Variants in OSBPL1A observed in about 807,000 individuals in gnomAD.
OSBPL1A encodes oxysterol binding protein like 1A.
Under a neutral mutation model 137.1 loss-of-function variants are expected in OSBPL1A, and 80 were observed. That is an observed-to-expected ratio of 0.58 (90% CI 0.49 to 0.70). OSBPL1A has a LOEUF of 0.70. Among genes scored for constraint, OSBPL1A ranks in the 30% least tolerant of loss-of-function variants. The pLI, the probability that OSBPL1A is intolerant of heterozygous loss-of-function variation, is 0.00. For synonymous variants in OSBPL1A, 365 were observed against 389.7 expected (o/e 0.94, Z 0.75); for missense variants, 970 against 1,129.4 (o/e 0.86, Z 2.02).
chr18:24,210,322 G>A (rs2087498804), intron 17 of OSBPL1A, among the ~76,000 whole-genome samples: 1 of 152,102 alleles, frequency 6.6e-6, no homozygotes. Flanking sequence ...CTACTTGGGA[G>A]GCTGAGGCAG....
chr18:24,380,270 AG>A (rs1906485909), intron 1 of OSBPL1A, among the ~76,000 whole-genome samples: 2 of 152,238 alleles, frequency 1.3e-5, no homozygotes, highest in Non-Finnish European at 2.9e-5. Context: ...TAAAAAACCA[AG>A]GAAGAGGAAG....
rs201642271 is a variant in OSBPL1A at position 24,348,206 on chromosome 18, GATAAT to G, written c.283-6553_283-6549del. ...ACAATAAATGTATATCCACTTAAAA[GATAAT>G]ATATTAGTTCTTTCCTGAGAAAAAT... On this transcript the variant is annotated intron_variant, in intron 4 of 27. Transcript: ENST00000319481. 4.2e-3 allele frequency among the ~76,000 whole-genome samples: 641 copies of G among 152,168 alleles called. 5 individuals are homozygous for G. Among genetic ancestry groups the G allele is most frequent in the East Asian group, 0.018 (95 of 5,192 alleles).
chr18:24,392,697 A>G (rs757568651), intron 1 of OSBPL1A, among the ~76,000 whole-genome samples: 3 of 152,194 alleles, frequency 2.0e-5, no homozygotes, highest in African/African-American at 7.2e-5. Context: ...CAAAGTAGTT[A>G]GCTGCTTTTT....
In OSBPL1A at chr18:24,171,397, G is replaced by C; in HGVS notation, c.2291+12C>G. 6 of 1,586,384 alleles carry C rather than the reference G, an allele frequency of 3.8e-6. No homozygotes were observed. The highest frequency in any genetic ancestry group is 5.2e-6 in the Non-Finnish European group (6 of 1,161,086). On this transcript the variant is annotated intron_variant, in intron 23 of 27. Transcript: ENST00000319481. ...AATCTATACTATTCAACATTTAAAA[G>C]AGAAATTTTACCTTTTATCTTGAAT...
intron 17 of OSBPL1A, among the ~76,000 whole-genome samples, chr18:24,222,002 C>T (rs1362874313): frequency 6.6e-6 from 1 of 152,146 alleles, no homozygotes; most frequent in Non-Finnish European, 1.5e-5. Context: ...ACGATGTCAT[C>T]ATATTTTTTA....
At chr18:24,185,359 G>A (rs2086719289) in intron 18 of OSBPL1A, among the ~76,000 whole-genome samples, 2 of 142,100 alleles carry the variant, frequency 1.4e-5, no homozygotes, top group African/African-American at 2.6e-5. Flanking sequence ...ACTGAGTCTC[G>A]CCCTGTGGCC....
rs376078361 is a variant in OSBPL1A at position 24,309,069 on chromosome 18, C to A, written c.1092+2915G>T. On this transcript the variant is annotated intron_variant, in intron 13 of 27. Transcript: ENST00000319481. ...TACAGGCGTAAGCCACCGTGCCCAG[C>A]TGAATAACTGAATTTTTAGATTTTA... Among the ~76,000 whole-genome samples the A allele has an allele frequency of 4.7e-4, 71 of 152,274 alleles. No individual in the cohort carries two copies. In the East Asian group the frequency reaches 9.5e-3, roughly 20 times the overall value.
chr18:24,175,135 T>TATATATATATATATAC (rs1323687106), intron 21 of OSBPL1A, among the ~76,000 whole-genome samples: 9 of 96,672 alleles, frequency 9.3e-5, no homozygotes, highest in Non-Finnish European at 1.7e-4. Context: ...TATATATATA[T>TATATATATATATATAC]ACACATATAT....
chr18:24,165,047 C>A lies in OSBPL1A; in HGVS notation c.2750+18G>T, dbSNP rs757762369. 6.2e-7 allele frequency: 1 copy of A among 1,613,680 alleles called. No individual in the cohort carries two copies. Among genetic ancestry groups the A allele is most frequent in the Non-Finnish European group, 8.5e-7 (1 of 1,179,698 alleles). On this transcript the variant is annotated intron_variant, in intron 27 of 27. Transcript: ENST00000319481. ...CCTGCCTGAGGGCTCAGCCACACCC[C>A]CTGACTCAGGCACGCACCTCGTCTT... is the stretch of plus-strand genomic sequence containing the variant.
chr18:24,373,103 C>G (rs1223013558), intron 2 of OSBPL1A, among the ~76,000 whole-genome samples: 2 of 152,144 alleles, frequency 1.3e-5, no homozygotes, highest in Non-Finnish European at 2.9e-5. Flanking sequence ...TACATTTACT[C>G]TTAAAATACT....
At position 24,368,435 on chromosome 18, in the gene OSBPL1A, A is replaced by T. The variant is rs1370322290; in HGVS notation, c.122-63T>A. On this transcript the variant is annotated intron_variant, in intron 2 of 27. Transcript: ENST00000319481. ...TTTAGGTAATTTTACAACGAAATTA[A>T]CTTCTCCATAACAAGCTACCTCAAT... 7 of 1,213,390 alleles carry T rather than the reference A, an allele frequency of 5.8e-6. No individual in the cohort carries two copies. In the African/African-American group the frequency reaches 9.0e-5, roughly 16 times the overall value. 75.2% of individuals were successfully genotyped at this position (1,213,390 alleles called of 1,614,324 possible).
intron 1 of OSBPL1A, among the ~76,000 whole-genome samples, chr18:24,381,168 T>C (rs1366768846): frequency 2.0e-5 from 3 of 152,090 alleles, no homozygotes; most frequent in Non-Finnish European, 2.9e-5. Flanking sequence ...AGCTCAACTC[T>C]GAATACAGCA....
At chr18:24,210,474 A>G (rs934019640) in intron 17 of OSBPL1A, among the ~76,000 whole-genome samples, 1 of 151,752 alleles carries the variant, frequency 6.6e-6, no homozygotes, top group African/African-American at 2.4e-5. Context: ...AAAAACCCTT[A>G]TTGAAGACCC....
chr18:24,244,360 T>C (rs911245889), intron 15 of OSBPL1A, among the ~76,000 whole-genome samples: 1 of 152,226 alleles, frequency 6.6e-6, no homozygotes, highest in African/African-American at 2.4e-5. Flanking sequence ...CCAACAGATA[T>C]GTTTATAATT....
chr18:24,335,452 G>A lies in OSBPL1A; in HGVS notation c.395-1122C>T, dbSNP rs530780542. 3.3e-5 allele frequency among the ~76,000 whole-genome samples: 5 copies of A among 152,316 alleles called. No homozygotes were observed. The East Asian group carries it at 5.8e-4, about 18-fold the overall frequency. ...CTCTTATCACTACGCTTCCTCTGAAGTCATACTTACAGGAAAAGAGCAACT... is the reference window on the plus strand; with the variant it reads ...CTCTTATCACTACGCTTCCTCTGAAATCATACTTACAGGAAAAGAGCAACT... On this transcript the variant is annotated intron_variant, in intron 5 of 27. Coordinates refer to ENST00000319481, the MANE Select transcript of OSBPL1A (RefSeq NM_080597.4).
chr18:24,254,721 CA>C (rs951769876), intron 15 of OSBPL1A, among the ~76,000 whole-genome samples: 10 of 148,632 alleles, frequency 6.7e-5, no homozygotes, highest in Non-Finnish European at 7.5e-5. Flanking sequence ...GTGCCTACAT[CA>C]AAAAAAAAGG....
At chr18:24,283,852 C>G (rs1384876841) in intron 14 of OSBPL1A, among the ~76,000 whole-genome samples, 1 of 152,032 alleles carries the variant, frequency 6.6e-6, no homozygotes, top group Non-Finnish European at 1.5e-5. Flanking sequence ...ATACTTGTTA[C>G]CATGAAGCAA....
chr18:24,290,853 C>T (rs1437425922), intron 14 of OSBPL1A, among the ~76,000 whole-genome samples: 5 of 152,030 alleles, frequency 3.3e-5, no homozygotes, highest in Non-Finnish European at 7.4e-5. Context: ...AGAAAACTGC[C>T]CTTGTGCTCA....
intron 17 of OSBPL1A, among the ~76,000 whole-genome samples, chr18:24,218,822 AC>A (rs1311360101): frequency 6.6e-6 from 1 of 152,186 alleles, no homozygotes; most frequent in African/African-American, 2.4e-5. Context: ...AAGTGTTCTC[AC>A]CATAAAAAAT....
Sources: allele counts gnomAD v4.1 joint callset (sites outside exome capture counted in the v4.1 genomes callset), GRCh38; gene constraint gnomAD v4.1.1; transcripts MANE v1.5; gene names NCBI Gene and HGNC (gene_info 2026-07-23, HGNC 2026-07-21).